The following R3HDM1 variants were observed in gnomAD, a reference collection of about 807,000 sequenced individuals.
R3HDM1 encodes R3H domain containing 1.
Under a neutral mutation model 141.1 loss-of-function variants are expected in R3HDM1, and 46 were observed. The ratio of observed to expected loss-of-function variants is 0.33; its 90% CI spans 0.26 to 0.42. R3HDM1 has a LOEUF of 0.42. Ranked by LOEUF, R3HDM1 falls within the 10% of genes least tolerant of loss-of-function variation. R3HDM1 has a pLI of 1.00. For missense variants in R3HDM1, 1,184 were observed against 1,368.3 expected (o/e 0.87, Z 2.12); for synonymous variants, 435 against 472.9 (o/e 0.92, Z 1.04).
At chr2:135,586,984 C>T in intron 1 of R3HDM1, 1 of 984,958 alleles carries the variant, frequency 1.0e-6, no homozygotes, top group Non-Finnish European at 1.2e-6. Flanking sequence ...ACTTTCAAAA[C>T]TCATGGTAAC....
chr2:135,533,757 T>G (rs1239815590), intron 1 of R3HDM1, among the ~76,000 whole-genome samples: 2 of 152,152 alleles, frequency 1.3e-5, no homozygotes, highest in African/African-American at 4.8e-5. Flanking sequence ...CGGGCACCTG[T>G]AATCTCAGCT....
intron 1 of R3HDM1, among the ~76,000 whole-genome samples, chr2:135,572,486 T>C (rs1022882961): frequency 1.3e-5 from 2 of 152,062 alleles, no homozygotes; most frequent in African/African-American, 4.8e-5. Flanking sequence ...AAAACCACAA[T>C]GAGATACAAC....
intron 19 of R3HDM1, among the ~76,000 whole-genome samples, chr2:135,663,397 T>C (rs2067021122): frequency 6.6e-6 from 1 of 152,220 alleles, no homozygotes; most frequent in Non-Finnish European, 1.5e-5. Flanking sequence ...GAGTCAGTCA[T>C]AATATAACAC....
chr2:135,672,329 C>T (rs1317274028), intron 19 of R3HDM1, among the ~76,000 whole-genome samples: 1 of 152,150 alleles, frequency 6.6e-6, no homozygotes, highest in African/African-American at 2.4e-5. Context: ...TTCTGTTGTA[C>T]CTTCATCTTC....
At chr2:135,538,905 C>A (rs1010070953) in intron 1 of R3HDM1, among the ~76,000 whole-genome samples, 3 of 151,396 alleles carry the variant, frequency 2.0e-5, no homozygotes, top group Non-Finnish European at 4.4e-5. Context: ...TGAGCCACCA[C>A]GCCTGGCTTA....
chr2:135,697,792 G>A lies in R3HDM1; in HGVS notation c.2460-11641G>A, dbSNP rs1375203846. The stretch of plus-strand genomic sequence containing the variant: ...GTACTGGTTGGACAAAGTGGGTCAC[G>A]CCTGTAATCCCAGCACTTTAGGAGG... On this transcript the variant is annotated intron_variant, in intron 21 of 26. Coordinates refer to ENST00000683871, the MANE Select transcript of R3HDM1 (RefSeq NM_001378107.1). Among the ~76,000 whole-genome samples, 7 of 152,152 alleles carry A rather than the reference G, an allele frequency of 4.6e-5. No individual in the cohort carries two copies. In the East Asian group the frequency reaches 5.8e-4, roughly 13 times the overall value.
intron 1 of R3HDM1, among the ~76,000 whole-genome samples, chr2:135,559,920 GTAGA>G (rs764403439): frequency 5.8e-4 from 88 of 152,156 alleles, no homozygotes; most frequent in African/African-American, 1.9e-3. Flanking sequence ...GCTATGCGCA[GTAGA>G]TAGAGTTGAA....
intron 1 of R3HDM1, among the ~76,000 whole-genome samples, chr2:135,536,128 G>A (rs553724577): frequency 2.0e-5 from 3 of 151,942 alleles, no homozygotes; most frequent in African/African-American, 7.2e-5. Context: ...AGGTTTTTGA[G>A]CCCCCTTATT....
At chr2:135,585,122 T>A (rs1244894735) in intron 1 of R3HDM1, among the ~76,000 whole-genome samples, 1 of 152,206 alleles carries the variant, frequency 6.6e-6, no homozygotes, top group Non-Finnish European at 1.5e-5. Context: ...GCGGGAAGCT[T>A]CTCAGATAAG....
intron 1 of R3HDM1, chr2:135,565,656 A>G (rs1416818559): frequency 6.6e-6 from 1 of 151,780 alleles, no homozygotes; most frequent in East Asian, 1.9e-4. Context: ...ATAACTTGAT[A>G]GTAATTATTA....
At chr2:135,631,836 A>C (rs748143197) in intron 8 of R3HDM1, 25 bp from the exon 9 acceptor site, 2 of 1,597,062 alleles carry the variant, frequency 1.3e-6, no homozygotes, top group Non-Finnish European at 8.5e-7. Context: ...TTGACTTACT[A>C]AGTTGGTTTT....
At chr2:135,576,798 G>A (rs1705545613) in intron 1 of R3HDM1, among the ~76,000 whole-genome samples, 1 of 152,186 alleles carries the variant, frequency 6.6e-6, no homozygotes, top group African/African-American at 2.4e-5. Context: ...TTCAATGATA[G>A]GCAAGTCAAT....
At chr2:135,610,286 T>C (rs536098110) in intron 3 of R3HDM1, among the ~76,000 whole-genome samples, 1 of 152,302 alleles carries the variant, frequency 6.6e-6, no homozygotes, top group Admixed American at 6.5e-5. Flanking sequence ...ACAATGCCTC[T>C]CCCTCACATT....
chr2:135,707,480 T>C (rs965935271), intron 21 of R3HDM1, among the ~76,000 whole-genome samples: 1 of 152,232 alleles, frequency 6.6e-6, no homozygotes, highest in African/African-American at 2.4e-5. Flanking sequence ...ACGGGTAATC[T>C]AGTGCTAGAA....
At chr2:135,572,002 C>T (rs1490179970) in intron 1 of R3HDM1, among the ~76,000 whole-genome samples, 1 of 91,702 alleles carries the variant, frequency 1.1e-5, no homozygotes, top group Non-Finnish European at 1.7e-5. Flanking sequence ...CCACGTCATC[C>T]AGGAGTGCAG....
chr2:135,678,474 G>T (rs986233366), intron 20 of R3HDM1, among the ~76,000 whole-genome samples: 1 of 151,796 alleles, frequency 6.6e-6, no homozygotes, highest in East Asian at 2.0e-4. Flanking sequence ...CAGGCCTGGC[G>T]CAGTGGCTCA....
At chr2:135,645,954 C>A (rs1247675252) in intron 16 of R3HDM1, among the ~76,000 whole-genome samples, 1 of 152,128 alleles carries the variant, frequency 6.6e-6, no homozygotes, top group Non-Finnish European at 1.5e-5. Context: ...TCTACCTACC[C>A]TATGAAAGAC....
At chr2:135,671,993 A>G (rs926813382) in intron 19 of R3HDM1, among the ~76,000 whole-genome samples, 2 of 152,076 alleles carry the variant, frequency 1.3e-5, no homozygotes, top group African/African-American at 4.8e-5. Context: ...AAAAAGGCAT[A>G]CGCAAACCAT....
At chr2:135,592,237 CAA>C (rs1709448163) in intron 1 of R3HDM1, among the ~76,000 whole-genome samples, 1 of 152,194 alleles carries the variant, frequency 6.6e-6, no homozygotes, top group Non-Finnish European at 1.5e-5. Flanking sequence ...CCATGAATGA[CAA>C]AGACATTTCC....
Sources: gnomAD v4.1 joint callset for allele counts (sites outside exome capture counted in the v4.1 genomes callset) on GRCh38, gnomAD v4.1.1 for gene constraint, MANE v1.5 for transcripts, NCBI Gene and HGNC (gene_info 2026-07-23, HGNC 2026-07-21) for gene names.